FLRT1: variants seen among roughly 807,000 people sequenced by gnomAD.
FLRT1 encodes fibronectin leucine rich transmembrane protein 1, also known as leucine-rich repeat transmembrane protein FLRT1.
In FLRT1, 14 loss-of-function variants were observed where a neutral mutation model predicts 30.9. That is an observed-to-expected ratio of 0.45 (90% CI 0.30 to 0.71). The LOEUF (loss-of-function observed/expected upper bound fraction) is 0.71. Ranked by LOEUF, FLRT1 falls within the 30% of genes least tolerant of loss-of-function variation. The pLI is 0.08. For synonymous variants in FLRT1, 368 were observed against 430.4 expected, an observed-to-expected ratio of 0.85 and a Z score of 1.80; for missense variants, 737 against 949.2, an observed-to-expected ratio of 0.78 and a Z score of 2.94.
intron 1 of FLRT1, among the ~76,000 whole-genome samples, chr11:64,098,913 AAG>A (rs1426512768): frequency 6.6e-6 from 1 of 152,232 alleles, no homozygotes; most frequent in African/African-American, 2.4e-5. Flanking sequence ...ATCCATCCCA[AAG>A]AGCCAAAGGT....
At position 64,116,740 on chromosome 11, in the gene FLRT1, T is replaced by C. The variant is rs775506091; in HGVS notation, c.473T>C (p.Leu158Pro). ...ATCCCGCTGCTGGAGAAGCTGCACCTGGATGACAACTCCGTGTCCACCGTC... is the reference window on the plus strand; with the variant it reads ...ATCCCGCTGCTGGAGAAGCTGCACCCGGATGACAACTCCGTGTCCACCGTC... ...ARIPLLEKLH[L>P]DDNSVSTVSI... The change falls in exon 3 of 3, where the codon CTG becomes CCG. Residue 158 changes from leucine (L) to proline (P), a missense_variant. Leu to Pro is a moderately conservative substitution (Grantham distance 98). Coordinates refer to ENST00000682287, the MANE Select transcript of FLRT1 (RefSeq NM_013280.5). The C allele has an allele frequency of 6.2e-7, 1 of 1,613,582 alleles. No homozygotes were observed. The highest frequency in any genetic ancestry group is 1.3e-5 in the African/African-American group (1 of 74,924).
chr11:64,045,081 AG>A, intron 1 of FLRT1, among the ~76,000 whole-genome samples: 1 of 152,300 alleles, frequency 6.6e-6, no homozygotes, highest in Non-Finnish European at 1.5e-5. Context: ...GTGCGGGCTG[AG>A]GGGGAGCAGT....
intron 1 of FLRT1, among the ~76,000 whole-genome samples, chr11:64,085,575 G>T (rs1944379657): frequency 1.3e-5 from 2 of 152,178 alleles, no homozygotes; most frequent in African/African-American, 2.4e-5. Flanking sequence ...CGCCCGCCCG[G>T]GTCCACCCCA....
At chr11:64,070,153 G>T (rs1944079844) in intron 1 of FLRT1, among the ~76,000 whole-genome samples, 1 of 152,188 alleles carries the variant, frequency 6.6e-6, no homozygotes, top group African/African-American at 2.4e-5. Flanking sequence ...GGCCCGGAGA[G>T]ACCAGGTCGT....
At chr11:64,114,303 G>A (rs1424545340) in intron 2 of FLRT1, among the ~76,000 whole-genome samples, 1 of 150,216 alleles carries the variant, frequency 6.7e-6, no homozygotes. Context: ...TGCATGGATT[G>A]ATACATGGAT....
intron 1 of FLRT1, among the ~76,000 whole-genome samples, chr11:64,049,202 C>G (rs1943643680): frequency 6.6e-6 from 1 of 152,174 alleles, no homozygotes; most frequent in South Asian, 2.1e-4. Flanking sequence ...TAGTCCCACT[C>G]TTGGAAGGAC....
intron 1 of FLRT1, among the ~76,000 whole-genome samples, chr11:64,038,945 G>A (rs531155630): frequency 2.0e-5 from 3 of 152,340 alleles, no homozygotes; most frequent in South Asian, 4.1e-4. Context: ...ACGTTGAGAG[G>A]ATGCGTATGA....
intron 2 of FLRT1, among the ~76,000 whole-genome samples, chr11:64,114,155 A>AGTGGATGGATGCATGGATGC (rs1944922486): frequency 7.6e-6 from 1 of 130,924 alleles, no homozygotes; most frequent in African/African-American, 3.0e-5. Flanking sequence ...TGAATGAACA[A>AGTGGATGGATGCATGGATGC]GTGGATGGAT....
intron 1 of FLRT1, among the ~76,000 whole-genome samples, chr11:64,043,054 C>T (rs1341974888): frequency 2.0e-5 from 3 of 152,192 alleles, no homozygotes; most frequent in Non-Finnish European, 4.4e-5. Flanking sequence ...TCGAAGCCCA[C>T]CTTTGTTACT....
intron 1 of FLRT1, among the ~76,000 whole-genome samples, chr11:64,101,282 T>C (rs985741090): frequency 1.3e-5 from 2 of 152,092 alleles, no homozygotes; most frequent in Non-Finnish European, 2.9e-5. Context: ...TGGAGACTAC[T>C]GTAGGAGCAC....
At chr11:64,070,112 ATT>A (rs1337598861) in intron 1 of FLRT1, among the ~76,000 whole-genome samples, 1 of 152,132 alleles carries the variant, frequency 6.6e-6, no homozygotes, top group East Asian at 1.9e-4. Context: ...TGTTATCACT[ATT>A]ATACCCCTTA....
chr11:64,044,772 C>A (rs1943553682), intron 1 of FLRT1, among the ~76,000 whole-genome samples: 2 of 152,158 alleles, frequency 1.3e-5, no homozygotes, highest in Non-Finnish European at 2.9e-5. Flanking sequence ...ATGCTCCCCC[C>A]TCACCAGACC....
rs557929737 is a variant in FLRT1, at chr11:64,088,971, G to A, written c.-1037-14223G>A. Among the ~76,000 whole-genome samples, 8 of 152,304 alleles carry A rather than the reference G, an allele frequency of 5.3e-5. No individual in the cohort carries two copies. In the South Asian group the frequency reaches 1.7e-3, roughly 32 times the overall value. On this transcript the variant is annotated intron_variant, in intron 1 of 2. Transcript: ENST00000682287. ...TGTCACCATGGAGGCTGGGGAGGAG[G>A]CAGAGGTTACCAGACTCAGAGAGAG...
Position 64,116,245 on chromosome 11 carries a change from C to T in FLRT1, c.-23C>T. On this transcript the variant is annotated 5_prime_UTR_variant, in exon 3 of 3. Coordinates refer to ENST00000682287, the MANE Select transcript of FLRT1 (RefSeq NM_013280.5). ...TATTCAGGCTCCAGGCCAGGTGGGG[C>T]CGGACGCCCCCAGCCATCCACCATG... 1 of 1,580,794 alleles carries T rather than the reference C, an allele frequency of 6.3e-7. No individual in the cohort carries two copies. Among genetic ancestry groups the T allele is most frequent in the Non-Finnish European group, 8.6e-7 (1 of 1,168,294 alleles).
intron 1 of FLRT1, among the ~76,000 whole-genome samples, chr11:64,054,122 A>G (rs1027155910): frequency 1.3e-5 from 2 of 151,896 alleles, no homozygotes; most frequent in African/African-American, 4.8e-5. Context: ...CCTGAGTTCT[A>G]CCAGGCAGGA....
intron 1 of FLRT1, among the ~76,000 whole-genome samples, chr11:64,049,000 A>ACTGGGGTGCCGGCTGCCTCTTGCC (rs1555013504): frequency 2.6e-5 from 4 of 151,968 alleles, no homozygotes; most frequent in African/African-American, 9.7e-5. Context: ...AGAGAGACAG[A>ACTGGGGTGCCGGCTGCCTCTTGCC]CTGGGGTGCC....
At chr11:64,107,535 A>AC (rs1555024425) in intron 2 of FLRT1, among the ~76,000 whole-genome samples, 3 of 152,318 alleles carry the variant, frequency 2.0e-5, no homozygotes, top group Admixed American at 6.5e-5. Context: ...GTGGATTTGC[A>AC]TACCTGTCTG....
At chr11:64,058,714 C>T (rs1336765397) in intron 1 of FLRT1, among the ~76,000 whole-genome samples, 1 of 152,272 alleles carries the variant, frequency 6.6e-6, no homozygotes, top group African/African-American at 2.4e-5. Context: ...CCCTGGCCAG[C>T]GATGCCAATT....
chr11:64,075,411 C>T (rs1283292357), intron 1 of FLRT1, among the ~76,000 whole-genome samples: 1 of 152,264 alleles, frequency 6.6e-6, no homozygotes, highest in African/African-American at 2.4e-5. Flanking sequence ...TCATTGCAAT[C>T]CAATATTGTT....
Sources: allele counts gnomAD v4.1 joint callset (sites outside exome capture counted in the v4.1 genomes callset), GRCh38; gene constraint gnomAD v4.1.1; transcripts MANE v1.5; gene names NCBI Gene and HGNC (gene_info 2026-07-23, HGNC 2026-07-21).